Variants in AUTS2 observed in about 807,000 individuals in gnomAD.
The protein encoded by AUTS2 is activator of transcription and developmental regulator AUTS2.
A neutral mutation model predicts 112.4 loss-of-function variants in AUTS2; 17 were observed. The observed-to-expected ratio is 0.15, with a 90% CI of 0.10 to 0.23. The LOEUF (loss-of-function observed/expected upper bound fraction) is 0.23. Ranked by LOEUF, AUTS2 falls within the 10% of genes least tolerant of loss-of-function variation. The pLI is 1.00. For synonymous variants in AUTS2, 751 were observed against 702.7 expected (o/e 1.07, Z -1.09); for missense variants, 1,510 against 1,701.6 (o/e 0.89, Z 1.98).
intron 5 of AUTS2, among the ~76,000 whole-genome samples, chr7:70,515,718 T>C (rs1374331400): frequency 1.3e-5 from 2 of 152,178 alleles, no homozygotes; most frequent in Non-Finnish European, 2.9e-5. Context: ...TTTTCTCTTT[T>C]TTTTTAAATT....
At chr7:70,696,804 A>G (rs1040292698) in intron 5 of AUTS2, among the ~76,000 whole-genome samples, 3 of 152,212 alleles carry the variant, frequency 2.0e-5, no homozygotes, top group Non-Finnish European at 4.4e-5. Context: ...AATTAGAGTC[A>G]CTTTAATAGG....
intron 1 of AUTS2, among the ~76,000 whole-genome samples, chr7:69,689,640 TTTTATTTATTTATTTATTTATTTATTTA>T (rs56128460): frequency 1.7e-3 from 198 of 119,466 alleles, no homozygotes; most frequent in Admixed American, 4.2e-3. Flanking sequence ...GCACCCGGCC[TTTTATTTATTTATTTATTTATTTATTTA>T]TTTATTTATT....
chr7:70,172,464 A>G (rs1385874860), intron 4 of AUTS2, among the ~76,000 whole-genome samples: 1 of 152,238 alleles, frequency 6.6e-6, no homozygotes, highest in African/African-American at 2.4e-5. Flanking sequence ...CCCATCACTC[A>G]TTCAGATTCT....
chr7:70,003,453 A>ATGAATATATAAT (rs1799328093), intron 2 of AUTS2, among the ~76,000 whole-genome samples: 1 of 90,634 alleles, frequency 1.1e-5, no homozygotes, highest in Non-Finnish European at 2.2e-5. Context: ...GAATATATAT[A>ATGAATATATAAT]ATATATATGA....
At chr7:70,743,227 G>A (rs1788223677) in intron 6 of AUTS2, among the ~76,000 whole-genome samples, 1 of 152,084 alleles carries the variant, frequency 6.6e-6, no homozygotes, top group Non-Finnish European at 1.5e-5. Context: ...CAGCACTTTG[G>A]GAGGCTGAGG....
chr7:69,941,037 A>G (rs1796606774), intron 2 of AUTS2, among the ~76,000 whole-genome samples: 1 of 152,244 alleles, frequency 6.6e-6, no homozygotes, highest in Non-Finnish European at 1.5e-5. Flanking sequence ...TTGCCCAGTT[A>G]GAGAATAATT....
intron 4 of AUTS2, among the ~76,000 whole-genome samples, chr7:70,320,733 G>A (rs1161414330): frequency 3.9e-5 from 6 of 152,224 alleles, no homozygotes; most frequent in Admixed American, 2.0e-4. Context: ...GTTGACCAAG[G>A]CTGGCACTAG....
intron 5 of AUTS2, among the ~76,000 whole-genome samples, chr7:70,494,831 A>AT (rs1337783966): frequency 3.3e-5 from 5 of 152,208 alleles, no homozygotes; most frequent in African/African-American, 7.2e-5. Context: ...CTCTTGTTAC[A>AT]TTTTTTGGCA....
chr7:70,328,143 G>A (rs1398390861), intron 4 of AUTS2, among the ~76,000 whole-genome samples: 1 of 152,098 alleles, frequency 6.6e-6, no homozygotes, highest in African/African-American at 2.4e-5. Flanking sequence ...AATAAAATAG[G>A]CATATACTCT....
intron 2 of AUTS2, among the ~76,000 whole-genome samples, chr7:70,116,400 A>C (rs574450430): frequency 1.1e-4 from 16 of 152,150 alleles, no homozygotes; most frequent in Non-Finnish European, 1.9e-4. Flanking sequence ...GTCTTTAAAG[A>C]CTACAAGGAA....
At chr7:70,680,414 A>G (rs1238821236) in intron 5 of AUTS2, among the ~76,000 whole-genome samples, 1 of 152,226 alleles carries the variant, frequency 6.6e-6, no homozygotes, top group Non-Finnish European at 1.5e-5. Flanking sequence ...AATCCAGTAC[A>G]GTATTCATTC....
intron 1 of AUTS2, among the ~76,000 whole-genome samples, chr7:69,698,515 G>A (rs1488780827): frequency 6.6e-6 from 1 of 152,112 alleles, no homozygotes; most frequent in Non-Finnish European, 1.5e-5. Flanking sequence ...CTGTGAGCCT[G>A]GGGGTTCCTT....
At chr7:70,296,874 C>CTG (rs1182793838) in intron 4 of AUTS2, among the ~76,000 whole-genome samples, 2 of 142,222 alleles carry the variant, frequency 1.4e-5, no homozygotes, top group Non-Finnish European at 3.0e-5. Context: ...CAGTGTCTTG[C>CTG]TCTGTCACCC....
Position 70,789,994 on chromosome 7 carries a change from G to T in AUTS2, c.2778G>T (p.Gly926=). ...LPEKDGHGHE[G]RAAGEEAKQL... is the part of the protein sequence containing the mutation. ...AGAAGGACGGGCACGGCCACGAGGG[G>T]CGCGCCGCGGGCGAAGAGGCCAAGC... Residue 926 remains glycine (G), a synonymous_variant, in exon 19 of 19, where the codon GGG becomes GGT. Coordinates refer to ENST00000342771, the MANE Select transcript of AUTS2 (RefSeq NM_015570.4). The T allele has an allele frequency of 6.2e-7, 1 of 1,604,992 alleles. No individual in the cohort carries two copies. The highest frequency in any genetic ancestry group is 1.1e-5 in the South Asian group (1 of 90,162).
chr7:69,988,663 A>G (rs1272362758), intron 2 of AUTS2, among the ~76,000 whole-genome samples: 1 of 152,232 alleles, frequency 6.6e-6, no homozygotes, highest in Non-Finnish European at 1.5e-5. Context: ...GTGAATCAAA[A>G]TAGAATGAAC....
At chr7:69,823,560 C>T (rs1285932927) in intron 1 of AUTS2, among the ~76,000 whole-genome samples, 5 of 152,160 alleles carry the variant, frequency 3.3e-5, no homozygotes, top group African/African-American at 7.2e-5. Flanking sequence ...TTTCAGCTTA[C>T]TCGTTTGTGT....
chr7:70,126,416 A>G (rs1805973458), intron 3 of AUTS2, among the ~76,000 whole-genome samples: 1 of 152,174 alleles, frequency 6.6e-6, no homozygotes, highest in Admixed American at 6.5e-5. Context: ...CTTAAAAAAA[A>G]GAAGAAAAAC....
At chr7:70,030,403 G>T (rs777251166) in intron 2 of AUTS2, among the ~76,000 whole-genome samples, 1 of 152,142 alleles carries the variant, frequency 6.6e-6, no homozygotes, top group Non-Finnish European at 1.5e-5. Flanking sequence ...CTTATCACAT[G>T]AATAGACCCG....
intron 4 of AUTS2, among the ~76,000 whole-genome samples, chr7:70,249,411 TC>T (rs1310538123): frequency 6.6e-6 from 1 of 152,074 alleles, no homozygotes; most frequent in East Asian, 1.9e-4. Context: ...ATGGGACAGT[TC>T]TATAGAATGG....
Sources: allele counts gnomAD v4.1 joint callset (sites outside exome capture counted in the v4.1 genomes callset), GRCh38; gene constraint gnomAD v4.1.1; transcripts MANE v1.5; gene names NCBI Gene and HGNC (gene_info 2026-07-23, HGNC 2026-07-21).